Variants in MROH6 observed in about 807,000 individuals in gnomAD.
The protein encoded by MROH6 is maestro heat-like repeat-containing protein family member 6.
Under a neutral mutation model 67.7 loss-of-function variants are expected in MROH6, and 62 were observed. The observed-to-expected ratio is 0.92, with a 90% CI of 0.75 to 1.13. The LOEUF (loss-of-function observed/expected upper bound fraction) is 1.13, where lower values mean the gene tolerates loss of function less well. Among genes scored for constraint, MROH6 ranks in the 50% most tolerant of loss-of-function variants. MROH6 has a pLI of 0.00. For missense variants in MROH6, 1,175 were observed against 1,029.1 expected (o/e 1.14, Z -1.94); for synonymous variants, 566 against 470.8 (o/e 1.20, Z -2.62).
rs1563919123 is a variant in MROH6, at chr8:143,570,394, C to T, written c.906-14G>A. The T allele has an allele frequency of 6.3e-7, 1 of 1,597,840 alleles. No individual in the cohort carries two copies. Among genetic ancestry groups the T allele is most frequent in the Admixed American group, 1.7e-5 (1 of 59,066 alleles). ...TCCACAGCACAGCTGGTGGTGGGGA[C>T]AGTGAGCAGGTGGGCAGTGGGAGCT... On this transcript the variant is annotated splice_polypyrimidine_tract_variant and intron_variant, in intron 5 of 13. Coordinates refer to ENST00000398882, the MANE Select transcript of MROH6 (RefSeq NM_001100878.2).
In MROH6 at chr8:143,568,659, G is replaced by C. The variant is rs1004893694; in HGVS notation, c.1537C>G (p.Arg513Gly). 2.0e-6 allele frequency: 3 copies of C among 1,531,824 alleles called. No homozygotes were observed. The highest frequency in any genetic ancestry group is 2.6e-6 in the Non-Finnish European group (3 of 1,144,160). 94.9% of individuals were successfully genotyped at this position (1,531,824 alleles called of 1,614,324 possible). A position where few individuals can be genotyped will look rare whatever the true frequency, so the allele number is the denominator to read the frequency against. ...GLLGTLVRRG[R>G]GGLRLGLRGP... Reference sequence around the variant, plus strand: ...CGGAGCCCCAGCCGGAGCCCGCCCCGGCCCCGGCGCACCAGAGTCCCAAGG... The same window carrying C: ...CGGAGCCCCAGCCGGAGCCCGCCCCCGCCCCGGCGCACCAGAGTCCCAAGG... Residue 513 changes from arginine to glycine, a missense_variant, in exon 10 of 14, where the codon CGG becomes GGG. Physicochemically the swap from Arg to Gly is moderately radical, Grantham distance 125 (BLOSUM62 -2). Coordinates refer to ENST00000398882, the MANE Select transcript of MROH6 (RefSeq NM_001100878.2).
chr8:143,570,548 G>T lies in MROH6; in HGVS notation c.830C>A (p.Ala277Asp). The part of the protein sequence containing the change: ...LALVTQLHKL[A>D]RSPCSPDMPK... ...CATGTCGGGGGAGCACGGGCTGCGG[G>T]CCAGCTTGTGCAGCTGTGTGACCAG... Residue 277 changes from alanine to aspartate, a missense_variant, in exon 5 of 14, where the codon GCC becomes GAC. By Grantham distance (126) the Ala-to-Asp change is moderately radical. Transcript: ENST00000398882. The T allele has an allele frequency of 6.2e-7, 1 of 1,610,438 alleles. No homozygotes were observed.
In MROH6 at chr8:143,568,675, AGTCCCAAGGAGCCCGAC is replaced by A. The variant is rs1563915597; in HGVS notation, c.1504_1520del (p.Val502SerfsTer34). ...GCCCGCCCCGGCCCCGGCGCACCAGAGTCCCAAGGAGCCCGACGGCCGAGGCGCGGATTGAGTCCCGT... is the reference window on the plus strand; with the variant it reads ...GCCCGCCCCGGCCCCGGCGCACCAGAGGCCGAGGCGCGGATTGAGTCCCGT... On this transcript the variant is annotated frameshift_variant, in exon 10 of 14. Coordinates refer to ENST00000398882, the MANE Select transcript of MROH6 (RefSeq NM_001100878.2). LOFTEE classifies it high-confidence loss of function. 6.6e-7 allele frequency: 1 copy of A among 1,521,904 alleles called. No individual in the cohort carries two copies. The highest frequency in any genetic ancestry group is 2.1e-5 in the Admixed American group (1 of 47,992). 94.3% of individuals were successfully genotyped at this position (1,521,904 alleles called of 1,614,324 possible). A position where few individuals can be genotyped will look rare whatever the true frequency, so the allele number is the denominator to read the frequency against.
At chr8:143,569,367 G>T (rs1823853563) in intron 9 of MROH6, 74 bp downstream of exon 9, 40 of 1,290,246 alleles carry the variant, frequency 3.1e-5, no homozygotes, top group Non-Finnish European at 3.2e-5. Context: ...GGCGGGGCCT[G>T]GGAGGGAGAG....
At chr8:143,568,809 G>A (rs1306197419) in intron 9 of MROH6, 90 bp from the exon 10 acceptor site, 3 of 1,054,120 alleles carry the variant, frequency 2.8e-6, no homozygotes, top group African/African-American at 1.7e-5. Flanking sequence ...AGGAAGCGGC[G>A]GGTCTAGGGA....
rs1823906619 is a variant in MROH6, at chr8:143,569,939, AAG to A, written c.1158+10_1158+11del. On this transcript the variant is annotated intron_variant, in intron 7 of 13. Coordinates refer to ENST00000398882, the MANE Select transcript of MROH6 (RefSeq NM_001100878.2). ...GGTCACCCTTCACCACCCATCCGGGAAGCAGGCTCACCCCTGTGAAGAAGGCC... is the reference window on the plus strand; with the variant it reads ...GGTCACCCTTCACCACCCATCCGGGACAGGCTCACCCCTGTGAAGAAGGCC... The A allele has an allele frequency of 1.2e-6, 2 of 1,612,418 alleles. No homozygotes were observed. The highest frequency in any genetic ancestry group is 3.3e-5 in the Admixed American group (2 of 59,988).
chr8:143,571,024 C>G (rs761212688), intron 3 of MROH6, 30 bp from the exon 4 acceptor site: 1 of 1,537,344 alleles, frequency 6.5e-7, no homozygotes, highest in African/African-American at 1.4e-5. Flanking sequence ...TGGTGTGAGA[C>G]AAGAGATGGG....
chr8:143,570,274 T>G lies in MROH6; in HGVS notation c.1012A>C (p.Thr338Pro), dbSNP rs1823934636. ...GGWRRLVGAH[T>P]HLEGVLLLAS... is the part of the protein sequence containing the mutation. ...AGCAGCAGGACGCCCTCCAGGTGGG[T>G]GTGGGCTCCCACCAGCCTCCTCCAG... The change falls in exon 6 of 14, where the codon ACC becomes CCC. Residue 338 changes from threonine (T) to proline (P), a missense_variant. Transcript: ENST00000398882. 1.2e-5 allele frequency: 19 copies of G among 1,600,852 alleles called. No homozygotes were observed. In the East Asian group the frequency reaches 4.2e-4, roughly 36 times the overall value.
In MROH6 at chr8:143,571,710, C is replaced by T. The variant is rs1409040988; in HGVS notation, c.559G>A (p.Asp187Asn). The T allele has an allele frequency of 6.4e-7, 1 of 1,551,512 alleles. No individual in the cohort carries two copies. Among genetic ancestry groups the T allele is most frequent in the Admixed American group, 1.9e-5 (1 of 51,430 alleles). The change falls in exon 3 of 14, where the codon GAC becomes AAC. Residue 187 changes from aspartate (D) to asparagine (N), a missense_variant. Coordinates refer to ENST00000398882, the MANE Select transcript of MROH6 (RefSeq NM_001100878.2). ...LSALALEHAR[D>N]VVCALLPRSL... ...CGGGGTAGCAGCGCACACACCACGTCCCGCGCATGCTCCAGGGCCAGTGCG... is the reference window on the plus strand; with the variant it reads ...CGGGGTAGCAGCGCACACACCACGTTCCGCGCATGCTCCAGGGCCAGTGCG...
intron 5 of MROH6, 41 bp downstream of exon 5, chr8:143,570,432 G>C: frequency 1.9e-6 from 3 of 1,605,736 alleles, no homozygotes; most frequent in South Asian, 2.2e-5. Context: ...GAGGGTGACA[G>C]CATGCTGGCC....
rs756144750 is a variant in MROH6, at chr8:143,572,538, C to T, written c.177G>A (p.Gln59=). The T allele has an allele frequency of 6.2e-7, 1 of 1,606,792 alleles. No homozygotes were observed. The highest frequency in any genetic ancestry group is 8.5e-7 in the Non-Finnish European group (1 of 1,177,580). The part of the protein sequence containing the change: ...EVKPEAEPQT[Q]ALTAPSEAEP... Reference sequence around the variant, plus strand: ...CTGCCTCAGAGGGGGCGGTGAGTGCCTGGGTCTGTGGCTCAGCCTCAGGTT... The same window carrying T: ...CTGCCTCAGAGGGGGCGGTGAGTGCTTGGGTCTGTGGCTCAGCCTCAGGTT... Residue 59 remains glutamine, a synonymous_variant, in exon 1 of 14, where the codon CAG becomes CAA. Transcript: ENST00000398882.
At chr8:143,567,931 T>C in intron 11 of MROH6, 43 bp from the exon 12 acceptor site, 1 of 1,499,830 alleles carries the variant, frequency 6.7e-7, no homozygotes. Context: ...GGGCTGATCC[T>C]GAGTGCGGAG....
chr8:143,571,585 C>T lies in MROH6; in HGVS notation c.602+82G>A, dbSNP rs1029350199. ...AGGCCCTGCCCCTTTTCAGCTCCCTCTTCTGGGGCCAGACTCCACCGCCAA... is the reference window on the plus strand; with the variant it reads ...AGGCCCTGCCCCTTTTCAGCTCCCTTTTCTGGGGCCAGACTCCACCGCCAA... On this transcript the variant is annotated intron_variant, in intron 3 of 13. Transcript: ENST00000398882. The T allele has an allele frequency of 1.4e-5, 21 of 1,526,014 alleles. No homozygotes were observed. The African/African-American group carries it at 2.8e-4, about 20-fold the overall frequency. 94.5% of individuals were successfully genotyped at this position (1,526,014 alleles called of 1,614,324 possible).
At chr8:143,568,530 G>A (rs764846365) in intron 10 of MROH6, 22 bp downstream of exon 10, 14 of 1,510,464 alleles carry the variant, frequency 9.3e-6, no homozygotes, top group African/African-American at 1.4e-5. Context: ...ATAGGGGTGG[G>A]ATGGTGTCGG....
chr8:143,571,662 G>T lies in MROH6; in HGVS notation c.602+5C>A, dbSNP rs1824045624. 6.4e-7 allele frequency: 1 copy of T among 1,561,322 alleles called. No individual in the cohort carries two copies. Among genetic ancestry groups the T allele is most frequent in the African/African-American group, 1.4e-5 (1 of 73,722 alleles). On this transcript the variant is annotated splice_donor_5th_base_variant and intron_variant, in intron 3 of 13. Transcript: ENST00000398882. ...GGGACCGCAGGGCCAGGACGGTTGG[G>T]TTACCGATCGGCGGGCAGAGAGCGG...
rs748584356 is a variant in MROH6 at position 143,569,516 on chromosome 8, G to A, written c.1401C>T (p.Leu467=). 7 of 1,499,526 alleles carry A rather than the reference G, an allele frequency of 4.7e-6. No individual in the cohort carries two copies. The highest frequency in any genetic ancestry group is 1.3e-5 in the South Asian group (1 of 79,992). 92.9% of individuals were successfully genotyped at this position (1,499,526 alleles called of 1,614,324 possible). A position where few individuals can be genotyped will look rare whatever the true frequency, so the allele number is the denominator to read the frequency against. Residue 467 remains leucine, a synonymous_variant, in exon 9 of 14, where the codon CTC becomes CTT. Transcript: ENST00000398882. ...GCACAGGCGCCCGGGGCCGCAGCAG[G>A]AGCCTCCTCAGGGCGCCCAGCGCTG... ...VGAALGALRR[L]LLRPRAPVRL...
At chr8:143,571,548 G>C in intron 3 of MROH6, 119 bp downstream of exon 3, 1 of 1,341,416 alleles carries the variant, frequency 7.5e-7, no homozygotes, top group Admixed American at 2.6e-5. Flanking sequence ...TCATCGCGGG[G>C]CTGGAATAAG....
rs1823754669 is a variant in MROH6 at position 143,568,318 on chromosome 8, G to C, written c.1645-57C>G. 2.6e-6 allele frequency: 4 copies of C among 1,551,796 alleles called. No individual in the cohort carries two copies. The South Asian group carries it at 4.7e-5, about 18-fold the overall frequency. Reference sequence around the variant, plus strand: ...TCCAGGAAGTAGAAAGGCAAAAGGTGGGGTGGGAAGAGGGGGAGCAAGGGC... The same window carrying C: ...TCCAGGAAGTAGAAAGGCAAAAGGTCGGGTGGGAAGAGGGGGAGCAAGGGC... On this transcript the variant is annotated intron_variant, in intron 10 of 13. Transcript: ENST00000398882.
rs1402673462 is a variant in MROH6 at position 143,569,568 on chromosome 8, C to G, written c.1349G>C (p.Gly450Ala). The G allele has an allele frequency of 6.4e-7, 1 of 1,554,872 alleles. No individual in the cohort carries two copies. Among genetic ancestry groups the G allele is most frequent in the Non-Finnish European group, 8.6e-7 (1 of 1,156,422 alleles). Residue 450 changes from glycine to alanine, a missense_variant, in exon 9 of 14, where the codon GGC becomes GCC. Coordinates refer to ENST00000398882, the MANE Select transcript of MROH6 (RefSeq NM_001100878.2). ...TLLPALLGALGEGDARLVGAA... is the reference protein window; with the variant it reads ...TLLPALLGALAEGDARLVGAA... Reference sequence around the variant, plus strand: ...ACCCACGAGCCGCGCGTCGCCTTCGCCCAGTGCGCCCAGGAGCGCCGGCAG... The same window carrying G: ...ACCCACGAGCCGCGCGTCGCCTTCGGCCAGTGCGCCCAGGAGCGCCGGCAG...
Sources: allele counts gnomAD v4.1 joint callset, GRCh38; gene constraint gnomAD v4.1.1; transcripts MANE v1.5; gene names NCBI Gene and HGNC (gene_info 2026-07-23, HGNC 2026-07-21).